Variants in NUDT12 observed in about 807,000 individuals in gnomAD.
NUDT12 encodes nudix hydrolase 12, also known as NAD-capped RNA hydrolase NUDT12.
Under a neutral mutation model 45.7 loss-of-function variants are expected in NUDT12, and 42 were observed. That is an observed-to-expected ratio of 0.92 (90% CI 0.72 to 1.19). The LOEUF (loss-of-function observed/expected upper bound fraction) is 1.19, where lower values mean the gene tolerates loss of function less well. Ranked by LOEUF, NUDT12 falls within the 50% of genes most tolerant of loss-of-function variation. The pLI, the probability that NUDT12 is intolerant of heterozygous loss-of-function variation, is 0.00. For synonymous variants in NUDT12, 206 were observed against 179.7 expected, an observed-to-expected ratio of 1.15 and a Z score of -1.17; for missense variants, 590 against 533.1, an observed-to-expected ratio of 1.11 and a Z score of -1.05.
chr5:103,562,291 C>A (rs1022499656), intron 1 of NUDT12, among the ~76,000 whole-genome samples: 1 of 152,122 alleles, frequency 6.6e-6, no homozygotes, highest in South Asian at 2.1e-4. Context: ...AATCACTGAC[C>A]ATCAATTAAC....
Position 103,554,762 on chromosome 5 carries a change from G to A in NUDT12, c.1056C>T (p.Cys352=), listed in dbSNP as rs1264953664. Residue 352 remains cysteine, a synonymous_variant, in exon 5 of 7, where the codon TGC becomes TGT. Transcript: ENST00000230792. ...QKRFPPGMFT[C]LAGFIEPGET... is the part of the protein sequence containing the mutation. ...TACCAGGCTCAATAAATCCAGCAAG[G>A]CAAGTAAACATGCCTGGGGGAAATC... 3.3e-6 allele frequency: 5 copies of A among 1,502,318 alleles called. 1 individual carries two copies. The South Asian group carries it at 5.4e-5, about 16-fold the overall frequency. The allele number at this position is 1,502,318 out of a possible 1,614,324, so 93.1% of individuals were successfully genotyped here.
intron 1 of NUDT12, among the ~76,000 whole-genome samples, chr5:103,561,250 G>A (rs552485600): frequency 6.6e-6 from 1 of 152,150 alleles, no homozygotes; most frequent in East Asian, 1.9e-4. Context: ...AGACAGAAAG[G>A]TTATAGCCCA....
At position 103,550,837 on chromosome 5, in the gene NUDT12, A is replaced by G. The variant is rs749121007; in HGVS notation, c.*24T>C. 1 of 1,473,844 alleles carries G rather than the reference A, an allele frequency of 6.8e-7. No individual in the cohort carries two copies. The highest frequency in any genetic ancestry group is 9.5e-7 in the Non-Finnish European group (1 of 1,052,918). The allele number at this position is 1,473,844 out of a possible 1,614,324, so 91.3% of individuals were successfully genotyped here. On this transcript the variant is annotated 3_prime_UTR_variant, in exon 7 of 7. Coordinates refer to ENST00000230792, the MANE Select transcript of NUDT12 (RefSeq NM_031438.4). ...GAGTGTTATTAGAAATTATTAAATAATACTCAAAGCTTAGTTCTTAGATTT... is the reference window on the plus strand; with the variant it reads ...GAGTGTTATTAGAAATTATTAAATAGTACTCAAAGCTTAGTTCTTAGATTT...
chr5:103,561,600 A>T (rs1011975043), intron 1 of NUDT12, among the ~76,000 whole-genome samples: 1 of 152,222 alleles, frequency 6.6e-6, no homozygotes, highest in African/African-American at 2.4e-5. Context: ...TACGTTAAAA[A>T]TACTATGCAT....
At chr5:103,558,372 A>G (rs1748902189) in intron 3 of NUDT12, among the ~76,000 whole-genome samples, 1 of 151,998 alleles carries the variant, frequency 6.6e-6, no homozygotes, top group South Asian at 2.1e-4. Flanking sequence ...GTAATACTCA[A>G]TTCCCTCTTA....
At position 103,549,714 on chromosome 5, in the gene NUDT12, A is replaced by G. The variant is rs886834082; in HGVS notation, c.*1147T>C. On this transcript the variant is annotated 3_prime_UTR_variant, in exon 7 of 7. Transcript: ENST00000230792. The stretch of plus-strand genomic sequence containing the variant: ...ATTAGTAAAGATGCAAATTATACAA[A>G]TTTTGATATTCATAAACTATAATAG... 33 of 152,094 alleles carry G rather than the reference A, an allele frequency of 2.2e-4. No homozygotes were observed. The highest frequency in any genetic ancestry group is 7.7e-4 in the African/African-American group (32 of 41,458). 9.4% of individuals were successfully genotyped at this position (152,094 alleles called of 1,614,324 possible). A position where few individuals can be genotyped will look rare whatever the true frequency, so the allele number is the denominator to read the frequency against.
intron 4 of NUDT12, among the ~76,000 whole-genome samples, chr5:103,555,244 C>G (rs1580693973): frequency 6.6e-6 from 1 of 151,862 alleles, no homozygotes; most frequent in African/African-American, 2.4e-5. Context: ...CATCCTAACC[C>G]TTAACAAAAT....
In NUDT12 at chr5:103,553,349, GAGAAA is replaced by G. The variant is rs1748715681; in HGVS notation, c.1079-938_1079-934del. On this transcript the variant is annotated intron_variant, in intron 5 of 6. Coordinates refer to ENST00000230792, the MANE Select transcript of NUDT12 (RefSeq NM_031438.4). ...GTAAAAGATAAACATCTAAAATTCA[GAGAAA>G]AGAAAACTGAATGCCTAATACACAT... 2.6e-5 allele frequency among the ~76,000 whole-genome samples: 4 copies of G among 151,942 alleles called. No homozygotes were observed. In the South Asian group the frequency reaches 8.3e-4, roughly 31 times the overall value.
chr5:103,554,030 T>C (rs971397123), intron 5 of NUDT12, among the ~76,000 whole-genome samples: 1 of 152,088 alleles, frequency 6.6e-6, no homozygotes, highest in Admixed American at 6.6e-5. Flanking sequence ...ATATATATGA[T>C]ATGATCCTCC....
intron 3 of NUDT12, among the ~76,000 whole-genome samples, chr5:103,557,280 G>GGGGTATATATATATATATATATAT (rs1491335747): frequency 8.4e-6 from 1 of 118,932 alleles, no homozygotes; most frequent in East Asian, 2.6e-4. Flanking sequence ...ATCTTAAAAT[G>GGGGTATATATATATATATATATAT]ATATATATAT....
chr5:103,556,061 G>A lies in NUDT12; in HGVS notation c.834C>T (p.His278=), dbSNP rs774532581. 3.7e-6 allele frequency: 6 copies of A among 1,611,488 alleles called. No homozygotes were observed. The highest frequency in any genetic ancestry group is 1.1e-5 in the South Asian group (1 of 90,748). Residue 278 remains histidine, a synonymous_variant, in exon 4 of 7, where the codon CAC becomes CAT. Coordinates refer to ENST00000230792, the MANE Select transcript of NUDT12 (RefSeq NM_031438.4). Reference sequence around the variant, plus strand: ...AGGTTGGGCAAAACTTGTATCGACTGTGCCAGGCAAGAACAGATCTTGCTT... The same window carrying A: ...AGGTTGGGCAAAACTTGTATCGACTATGCCAGGCAAGAACAGATCTTGCTT... ...VAQARSVLAW[H]SRYKFCPTCG...
rs1407218061 is a variant in NUDT12, at chr5:103,552,216, C to T, written c.1278+1G>A. The T allele has an allele frequency of 1.2e-6, 2 of 1,610,128 alleles. No homozygotes were observed. Among genetic ancestry groups the T allele is most frequent in the African/African-American group, 1.3e-5 (1 of 74,820 alleles). ...AAGAAGGAAATTAAATTGAACTTTACCTGTTCTCTAGTGAACCAGCGGGCA... is the reference window on the plus strand; with the variant it reads ...AAGAAGGAAATTAAATTGAACTTTATCTGTTCTCTAGTGAACCAGCGGGCA... On this transcript the variant is annotated splice_donor_variant, in intron 6 of 6. Coordinates refer to ENST00000230792, the MANE Select transcript of NUDT12 (RefSeq NM_031438.4). LOFTEE classifies it high-confidence loss of function.
chr5:103,559,461 T>G lies in NUDT12; in HGVS notation c.214A>C (p.Arg72=), dbSNP rs943528276. 2 of 1,489,514 alleles carry G rather than the reference T, an allele frequency of 1.3e-6. No homozygotes were observed. The highest frequency in any genetic ancestry group is 1.8e-6 in the Non-Finnish European group (2 of 1,119,178). The allele number at this position is 1,489,514 out of a possible 1,614,324, so 92.3% of individuals were successfully genotyped here. ...TGCCTTGATTTATTGACAATTGATC[T>G]GTCACACCTATAGATGGAAGAAAAA... is the stretch of plus-strand genomic sequence containing the variant. The part of the protein sequence containing the change: ...VQFLLEKGCD[R]SIVNKSRQTA... The change falls in exon 3 of 7, where the codon AGA becomes CGA. Residue 72 remains arginine, a synonymous_variant. Coordinates refer to ENST00000230792, the MANE Select transcript of NUDT12 (RefSeq NM_031438.4).
chr5:103,559,380 C>G lies in NUDT12; in HGVS notation c.295G>C (p.Ala99Pro), dbSNP rs766349771. ...GGCTTCTTCCCACCTTTAGCAGTAG[C>G]TAGTAAATTAGCTATATGCTTATAA... ...WGYKHIANLL[A>P]TAKGGKKPWF... The change falls in exon 3 of 7, where the codon GCT (alanine) becomes CCT (proline). Residue 99 changes from alanine to proline, a missense_variant. By Grantham distance (27) the Ala-to-Pro change is conservative. Coordinates refer to ENST00000230792, the MANE Select transcript of NUDT12 (RefSeq NM_031438.4). 30 of 1,612,852 alleles carry G rather than the reference C, an allele frequency of 1.9e-5. No homozygotes were observed. Among genetic ancestry groups the G allele is most frequent in the Non-Finnish European group, 2.5e-5 (29 of 1,179,468 alleles).
At chr5:103,554,299 C>T (rs1748743604) in intron 5 of NUDT12, among the ~76,000 whole-genome samples, 1 of 151,938 alleles carries the variant, frequency 6.6e-6, no homozygotes, top group East Asian at 1.9e-4. Flanking sequence ...TATATACATA[C>T]TTACATACGG....
intron 3 of NUDT12, among the ~76,000 whole-genome samples, chr5:103,558,580 A>G (rs573899539): frequency 2.0e-5 from 3 of 152,266 alleles, no homozygotes; most frequent in Non-Finnish European, 4.4e-5. Context: ...CAAAACAGTC[A>G]AAGTCTTTGC....
chr5:103,555,027 T>C (rs1748770828), intron 4 of NUDT12, among the ~76,000 whole-genome samples, 174 bp from the exon 5 acceptor site: 1 of 152,032 alleles, frequency 6.6e-6, no homozygotes, highest in Non-Finnish European at 1.5e-5. Context: ...ATAGAATATC[T>C]CAGGGAAATT....
intron 3 of NUDT12, among the ~76,000 whole-genome samples, chr5:103,557,280 G>GGCATATATATATATATATATATAT (rs1491335747): frequency 8.4e-6 from 1 of 118,894 alleles, no homozygotes; most frequent in Non-Finnish European, 1.8e-5. Context: ...ATCTTAAAAT[G>GGCATATATATATATATATATATAT]ATATATATAT....
At chr5:103,552,710 G>C (rs1443663853) in intron 5 of NUDT12, among the ~76,000 whole-genome samples, 1 of 151,916 alleles carries the variant, frequency 6.6e-6, no homozygotes, top group Non-Finnish European at 1.5e-5. Flanking sequence ...CCTAATACTG[G>C]TTAAACACTA....
Sources: allele counts gnomAD v4.1 joint callset (sites outside exome capture counted in the v4.1 genomes callset), GRCh38; gene constraint gnomAD v4.1.1; transcripts MANE v1.5; gene names NCBI Gene and HGNC (gene_info 2026-07-23, HGNC 2026-07-21).